The following INTS3 variants were observed in gnomAD, a reference collection of about 807,000 sequenced individuals.
INTS3 encodes the protein SOSS complex subunit A.
INTS3 carries 34 observed loss-of-function variants against 146.3 expected under a neutral mutation model. The ratio of observed to expected loss-of-function variants is 0.23; its 90% CI spans 0.18 to 0.31. The LOEUF (loss-of-function observed/expected upper bound fraction) is 0.31. Ranked by LOEUF, INTS3 falls within the 10% of genes least tolerant of loss-of-function variation. INTS3 has a pLI of 1.00. For synonymous variants in INTS3, 475 were observed against 494.9 expected, an observed-to-expected ratio of 0.96 and a Z score of 0.53; for missense variants, 757 against 1,304.2, an observed-to-expected ratio of 0.58 and a Z score of 6.46.
rs1409275577 is a variant in INTS3, at chr1:153,769,970, A to C, written c.2389+126A>C. On this transcript the variant is annotated intron_variant, in intron 23 of 29. Coordinates refer to ENST00000318967, the MANE Select transcript of INTS3 (RefSeq NM_023015.5). ...AGTTAAGGGGAGAGAATTGTACTCC[A>C]CCCTGGTGCGGTCTGGGGCAGTATC... is the stretch of plus-strand genomic sequence containing the variant. The C allele has an allele frequency of 9.4e-6, 7 of 747,702 alleles. No homozygotes were observed. The African/African-American group carries it at 1.2e-4, about 13-fold the overall frequency. The allele number at this position is 747,702 out of a possible 1,614,324, so 46.3% of individuals were successfully genotyped here. A position where few individuals can be genotyped will look rare whatever the true frequency, so the allele number is the denominator to read the frequency against.
intron 22 of INTS3, 85 bp from the exon 23 acceptor site, chr1:153,769,684 C>G: frequency 3.5e-6 from 3 of 847,194 alleles, no homozygotes; most frequent in Non-Finnish European, 6.0e-6. Context: ...TTTTCCCTTA[C>G]GAGCCCTCCT....
At chr1:153,770,819 T>C (rs1028335669) in intron 25 of INTS3, 86 bp downstream of exon 25, 14 of 1,021,658 alleles carry the variant, frequency 1.4e-5, no homozygotes, top group Non-Finnish European at 2.0e-5. Context: ...TCCTCCTCCT[T>C]ATTGCCATAT....
intron 13 of INTS3, 118 bp from the exon 14 acceptor site, chr1:153,761,452 G>C: frequency 1.5e-6 from 1 of 689,506 alleles, no homozygotes; most frequent in South Asian, 1.8e-5. Flanking sequence ...GGAGGTTGCA[G>C]TGAGCCGAGA....
chr1:153,753,329 C>T (rs190195753), intron 8 of INTS3, among the ~76,000 whole-genome samples: 2 of 151,960 alleles, frequency 1.3e-5, no homozygotes, highest in Non-Finnish European at 1.5e-5. Context: ...GAGGCCGAGG[C>T]GGGCGGATCA....
At chr1:153,738,247 C>G (rs1238839266) in intron 1 of INTS3, among the ~76,000 whole-genome samples, 1 of 152,104 alleles carries the variant, frequency 6.6e-6, no homozygotes, top group Non-Finnish European at 1.5e-5. Context: ...CACAGGCATG[C>G]ACAACCATGC....
chr1:153,741,458 C>A, intron 3 of INTS3, 90 bp downstream of exon 3: 1 of 950,648 alleles, frequency 1.1e-6, no homozygotes, highest in Non-Finnish European at 1.7e-6. Context: ...TAGTATGAAA[C>A]TCTTCGACCA....
rs544403531 is a variant in INTS3 at position 153,761,535 on chromosome 1, C to T, written c.1410-35C>T. On this transcript the variant is annotated intron_variant, in intron 13 of 29. Coordinates refer to ENST00000318967, the MANE Select transcript of INTS3 (RefSeq NM_023015.5). ...CAAAAAAAAATAAAAATAAGAGAAG[C>T]TCTGATATTGACCTTCATCATGTTC... 3.9e-5 allele frequency: 55 copies of T among 1,406,422 alleles called. 1 individual carries two copies. In the South Asian group the frequency reaches 5.6e-4, roughly 14 times the overall value. The allele number at this position is 1,406,422 out of a possible 1,614,324, so 87.1% of individuals were successfully genotyped here.
chr1:153,767,917 T>A, intron 21 of INTS3, 90 bp downstream of exon 21: 2 of 1,342,438 alleles, frequency 1.5e-6, no homozygotes, highest in African/African-American at 3.0e-5. Flanking sequence ...GAACCCTCTT[T>A]TGTTCATCCC....
At chr1:153,769,903 G>C (rs1328794104) in intron 23 of INTS3, 59 bp downstream of exon 23, 4 of 1,234,060 alleles carry the variant, frequency 3.2e-6, no homozygotes, top group Non-Finnish European at 4.8e-6. Flanking sequence ...TGTCAGTCCT[G>C]TGTATTTTAC....
intron 1 of INTS3, among the ~76,000 whole-genome samples, chr1:153,732,737 T>C (rs1430044466): frequency 6.6e-6 from 1 of 150,626 alleles, no homozygotes; most frequent in Non-Finnish European, 1.5e-5. Flanking sequence ...CGTGAGTCAC[T>C]GTGCCTGGCC....
At chr1:153,754,880 T>G in intron 9 of INTS3, 141 bp downstream of exon 9, 2 of 658,854 alleles carry the variant, frequency 3.0e-6, no homozygotes, top group Non-Finnish European at 5.5e-6. Context: ...GCTACTGGCT[T>G]CTTTGTCCTT....
chr1:153,773,167 C>T lies in INTS3; in HGVS notation c.3052-26C>T, dbSNP rs769690575. On this transcript the variant is annotated intron_variant, in intron 29 of 29. Transcript: ENST00000318967. ...CAGCAGCTGCCCAGGCTGTTAACTT[C>T]CCATTTCCCCTCCCATCTCTTCCAG... 317 of 1,613,782 alleles carry T rather than the reference C, an allele frequency of 2.0e-4. 1 individual carries two copies. The highest frequency in any genetic ancestry group is 2.5e-4 in the Non-Finnish European group (292 of 1,179,862).
chr1:153,762,416 C>T (rs1468239231), intron 14 of INTS3, among the ~76,000 whole-genome samples: 1 of 152,244 alleles, frequency 6.6e-6, no homozygotes, highest in Non-Finnish European at 1.5e-5. Flanking sequence ...TGCACTCCAG[C>T]CCAGGCGACA....
intron 3 of INTS3, 102 bp from the exon 4 acceptor site, chr1:153,746,855 G>A (rs1171016839): frequency 5.8e-6 from 4 of 684,684 alleles, no homozygotes; most frequent in Non-Finnish European, 1.1e-5. Context: ...TCTTATTGGT[G>A]TTATTTAAGT....
At chr1:153,759,873 G>A (rs1672307964) in intron 11 of INTS3, 1 of 546,598 alleles carries the variant, frequency 1.8e-6, no homozygotes, top group Admixed American at 3.4e-5. Context: ...AAAGGAAAAG[G>A]CTGTACCATG....
At chr1:153,733,999 G>A (rs1045948238) in intron 1 of INTS3, among the ~76,000 whole-genome samples, 117 of 152,254 alleles carry the variant, frequency 7.7e-4, no homozygotes, top group African/African-American at 2.7e-3. Context: ...CCAGCTTTGG[G>A]TATATACTGG....
intron 9 of INTS3, among the ~76,000 whole-genome samples, chr1:153,755,340 C>T (rs1311409733): frequency 2.0e-5 from 3 of 152,052 alleles, no homozygotes; most frequent in East Asian, 3.9e-4. Flanking sequence ...CTCGGCTCTC[C>T]GCAGCCTCCG....
Position 153,760,818 on chromosome 1 carries a change from C to G in INTS3, c.1318-9C>G. ...TGTGCTCATTTTTCCCCTCCTTCTT[C>G]GCTTCCAGATCATTCCCAACTTCTA... is the stretch of plus-strand genomic sequence containing the variant. On this transcript the variant is annotated splice_polypyrimidine_tract_variant and intron_variant, in intron 12 of 29. Transcript: ENST00000318967. 6.2e-7 allele frequency: 1 copy of G among 1,609,846 alleles called. No individual in the cohort carries two copies. The highest frequency in any genetic ancestry group is 1.1e-5 in the South Asian group (1 of 90,970).
chr1:153,752,329 T>C lies in INTS3; in HGVS notation c.780T>C (p.Asn260=), dbSNP rs971767039. ...GGGATCTCGTAAGACTACTTCAGAATGTTGCTAGGATACCAGAATTTGAAC... is the reference window on the plus strand; with the variant it reads ...GGGATCTCGTAAGACTACTTCAGAACGTTGCTAGGATACCAGAATTTGAAC... The part of the protein sequence containing the change: ...IGRDLVRLLQ[N]VARIPEFELL... Residue 260 remains asparagine (N), a synonymous_variant, in exon 8 of 30, where the codon AAT becomes AAC. Transcript: ENST00000318967. The C allele has an allele frequency of 1.2e-6, 2 of 1,613,622 alleles. No individual in the cohort carries two copies.
Sources: allele counts gnomAD v4.1 joint callset (sites outside exome capture counted in the v4.1 genomes callset), GRCh38; gene constraint gnomAD v4.1.1; transcripts MANE v1.5; gene names NCBI Gene and HGNC (gene_info 2026-07-23, HGNC 2026-07-21).